HDAC1: variants seen among roughly 807,000 people sequenced by gnomAD.
HDAC1 encodes the protein histone deacetylase 1.
A neutral mutation model predicts 65.5 loss-of-function variants in HDAC1; 18 were observed. The ratio of observed to expected loss-of-function variants is 0.27; its 90% CI spans 0.19 to 0.41. The LOEUF (loss-of-function observed/expected upper bound fraction) is 0.41. HDAC1 is among the 10% of genes least tolerant of loss of function. HDAC1 has a pLI of 1.00. For synonymous variants in HDAC1, 211 were observed against 227.9 expected (o/e 0.93, Z 0.67); for missense variants, 373 against 625.2 (o/e 0.60, Z 4.30).
chr1:32,304,849 C>T (rs953862041), intron 2 of HDAC1, among the ~76,000 whole-genome samples: 1 of 152,154 alleles, frequency 6.6e-6, no homozygotes, highest in Non-Finnish European at 1.5e-5. Flanking sequence ...CAGGCATGAG[C>T]CACCATACCC....
intron 1 of HDAC1, among the ~76,000 whole-genome samples, chr1:32,295,462 T>C (rs1287132937): frequency 6.6e-6 from 1 of 151,966 alleles, no homozygotes; most frequent in Non-Finnish European, 1.5e-5. Flanking sequence ...AGTCCAAGGC[T>C]AGAAAGTCCA....
chr1:32,304,517 A>G (rs922452075), intron 2 of HDAC1, among the ~76,000 whole-genome samples: 28 of 151,370 alleles, frequency 1.8e-4, no homozygotes, highest in African/African-American at 6.6e-4. Context: ...TCCCACATCA[A>G]CCTCCCAAGT....
In HDAC1 at chr1:32,331,830, A is replaced by G. The variant is rs188631841; in HGVS notation, c.1219+24A>G. On this transcript the variant is annotated intron_variant, in intron 11 of 13. Coordinates refer to ENST00000373548, the MANE Select transcript of HDAC1 (RefSeq NM_004964.3). The surrounding 1 kb of genome is among the most constrained non-coding windows in gnomAD (Gnocchi z 4.2). ...GAGTGAGACCCAGACCTAGAGCCCTATGCCTTCCATTCAATAGGCAGCTCA... is the reference window on the plus strand; with the variant it reads ...GAGTGAGACCCAGACCTAGAGCCCTGTGCCTTCCATTCAATAGGCAGCTCA... 9 of 1,582,128 alleles carry G rather than the reference A, an allele frequency of 5.7e-6. No homozygotes were observed. The East Asian group carries it at 1.6e-4, about 28-fold the overall frequency.
At chr1:32,292,671 G>A (rs1037434654) in intron 1 of HDAC1, among the ~76,000 whole-genome samples, 2 of 152,076 alleles carry the variant, frequency 1.3e-5, no homozygotes, top group Non-Finnish European at 2.9e-5. Context: ...CTCTGAGCGG[G>A]GCCTGCGGTT....
At chr1:32,325,301 G>A (rs1289846396) in intron 4 of HDAC1, among the ~76,000 whole-genome samples, 2 of 152,072 alleles carry the variant, frequency 1.3e-5, no homozygotes, top group Admixed American at 6.6e-5. Context: ...TACTCTAAAC[G>A]CTTTCTTAAC....
chr1:32,326,704 A>G (rs1389178144), intron 4 of HDAC1, among the ~76,000 whole-genome samples: 1 of 141,592 alleles, frequency 7.1e-6, no homozygotes, highest in Admixed American at 7.3e-5. Context: ...TACTAAATCA[A>G]TTTTAAGGCC....
In HDAC1 at chr1:32,321,962, C is replaced by T. The variant is rs543388722; in HGVS notation, c.281-2517C>T. On this transcript the variant is annotated intron_variant, in intron 3 of 13. Transcript: ENST00000373548. ...CCAGGAAGTGAGGAAGAGACCCACC[C>T]GCTGCACACTCCCTCATGCAGCCAT... is the stretch of plus-strand genomic sequence containing the variant. Among the ~76,000 whole-genome samples the T allele has an allele frequency of 7.9e-5, 12 of 152,246 alleles. No homozygotes were observed. In the South Asian group the frequency reaches 1.2e-3, roughly 16 times the overall value.
At chr1:32,316,825 C>A in intron 3 of HDAC1, 43 bp downstream of exon 3, 1 of 1,226,214 alleles carries the variant, frequency 8.2e-7, no homozygotes, top group Non-Finnish European at 1.2e-6. Context: ...CCGCCAGTTG[C>A]ATCTCCCTTT....
At chr1:32,312,483 C>A (rs1245535514) in intron 2 of HDAC1, among the ~76,000 whole-genome samples, 2 of 151,130 alleles carry the variant, frequency 1.3e-5, no homozygotes, top group African/African-American at 2.4e-5. Flanking sequence ...CCTCAGCCTC[C>A]CGAGTAGCTG....
At chr1:32,302,403 A>G (rs987882426) in intron 1 of HDAC1, among the ~76,000 whole-genome samples, 6 of 151,178 alleles carry the variant, frequency 4.0e-5, no homozygotes, top group Non-Finnish European at 7.4e-5. Context: ...TCCAGAAGAA[A>G]GTGAGCTAGA....
intron 3 of HDAC1, among the ~76,000 whole-genome samples, chr1:32,320,899 C>CAAAA (rs1160071616): frequency 3.4e-4 from 8 of 23,382 alleles, no homozygotes; most frequent in African/African-American, 5.4e-4. Flanking sequence ...GACTCCATCT[C>CAAAA]AAAAAAAAAA....
At chr1:32,300,486 C>T (rs1055228610) in intron 1 of HDAC1, among the ~76,000 whole-genome samples, 1 of 151,444 alleles carries the variant, frequency 6.6e-6, no homozygotes, top group African/African-American at 2.4e-5. Context: ...ACCTGGGAGG[C>T]AGAGGTTGCA....
At chr1:32,324,762 A>C (rs1178762614) in intron 4 of HDAC1, among the ~76,000 whole-genome samples, 2 of 152,130 alleles carry the variant, frequency 1.3e-5, no homozygotes, top group African/African-American at 2.4e-5. Flanking sequence ...TGAGGTCAGG[A>C]GTTCAAGACC....
intron 1 of HDAC1, among the ~76,000 whole-genome samples, chr1:32,297,624 C>A (rs563899048): frequency 6.6e-6 from 1 of 151,536 alleles, no homozygotes; most frequent in Non-Finnish European, 1.5e-5. Flanking sequence ...TCTTTTTTTG[C>A]GGGGGGGACG....
intron 3 of HDAC1, among the ~76,000 whole-genome samples, chr1:32,323,810 G>A (rs1391381023): frequency 6.6e-6 from 1 of 152,166 alleles, no homozygotes; most frequent in African/African-American, 2.4e-5. Context: ...TTGTACGTGC[G>A]CAGTGAACGA....
At chr1:32,295,710 T>C (rs1440765678) in intron 1 of HDAC1, among the ~76,000 whole-genome samples, 2 of 152,172 alleles carry the variant, frequency 1.3e-5, no homozygotes, top group East Asian at 3.9e-4. Flanking sequence ...TTCCAACACA[T>C]GAATTTTGGG....
chr1:32,315,542 C>A (rs1010108854), intron 2 of HDAC1, among the ~76,000 whole-genome samples: 17 of 151,010 alleles, frequency 1.1e-4, no homozygotes, highest in African/African-American at 3.6e-4. Flanking sequence ...TAGTAGAGAC[C>A]AGATTTCATC....
At chr1:32,301,240 A>C (rs2148057589) in intron 1 of HDAC1, among the ~76,000 whole-genome samples, 1 of 151,358 alleles carries the variant, frequency 6.6e-6, no homozygotes, top group South Asian at 2.1e-4. Context: ...AGGTCAGGAG[A>C]TCAAGACCAT....
Position 32,333,084 on chromosome 1 carries a change from C to T in HDAC1, c.*40C>T, listed in dbSNP as rs1170893162. On this transcript the variant is annotated 3_prime_UTR_variant, in exon 14 of 14. Transcript: ENST00000373548. Reference sequence around the variant, plus strand: ...CTCTGGCTTCCTGCTGAGTCCCTCACGTTTCTTCCCCAACCCCTCAGATTT... The same window carrying T: ...CTCTGGCTTCCTGCTGAGTCCCTCATGTTTCTTCCCCAACCCCTCAGATTT... 7.1e-6 allele frequency: 11 copies of T among 1,552,150 alleles called. No individual in the cohort carries two copies. Among genetic ancestry groups the T allele is most frequent in the Admixed American group, 3.4e-5 (2 of 59,376 alleles).
Sources: gnomAD v4.1 joint callset for allele counts (sites outside exome capture counted in the v4.1 genomes callset) on GRCh38, gnomAD v4.1.1 for gene constraint, Gnocchi (gnomAD v3.1) non-coding constraint, MANE v1.5 for transcripts, NCBI Gene and HGNC (gene_info 2026-07-23, HGNC 2026-07-21) for gene names.